MALRD1: variants seen among roughly 807,000 people sequenced by gnomAD.
MALRD1 encodes MAM and LDL-receptor class A domain-containing protein 1.
A neutral mutation model predicts 242.1 loss-of-function variants in MALRD1; 247 were observed. That is an observed-to-expected ratio of 1.02 (90% CI 0.92 to 1.13). MALRD1 has a LOEUF of 1.13. Ranked by LOEUF, MALRD1 falls within the 50% of genes most tolerant of loss-of-function variation. The pLI is 0.00. For missense variants in MALRD1, 2,989 were observed against 2,533.1 expected (o/e 1.18, Z -3.86); for synonymous variants, 995 against 866.6 (o/e 1.15, Z -2.60).
chr10:19,112,296 T>C (rs950972837), intron 5 of MALRD1, among the ~76,000 whole-genome samples: 9 of 151,830 alleles, frequency 5.9e-5, no homozygotes, highest in Non-Finnish European at 2.9e-5. Flanking sequence ...TTTAGTCTCA[T>C]GCAATCCTGG....
intron 32 of MALRD1, among the ~76,000 whole-genome samples, chr10:19,560,738 C>T (rs751355617): frequency 1.3e-5 from 2 of 152,042 alleles, no homozygotes; most frequent in Non-Finnish European, 2.9e-5. Flanking sequence ...CACATGTTCT[C>T]ACTTATAAGT....
intron 36 of MALRD1, among the ~76,000 whole-genome samples, chr10:19,627,392 A>G (rs1839700009): frequency 6.6e-6 from 1 of 152,010 alleles, no homozygotes; most frequent in Non-Finnish European, 1.5e-5. Context: ...GGTAAAAGAC[A>G]CCATAAACAA....
intron 18 of MALRD1, among the ~76,000 whole-genome samples, chr10:19,220,463 C>T (rs1415162374): frequency 6.6e-6 from 1 of 152,138 alleles, no homozygotes; most frequent in African/African-American, 2.4e-5. Context: ...CTTACATGAA[C>T]GTCCAGGTAT....
chr10:19,248,976 T>C (rs1172941945), intron 18 of MALRD1, among the ~76,000 whole-genome samples: 1 of 147,116 alleles, frequency 6.8e-6, no homozygotes, highest in Non-Finnish European at 1.5e-5. Flanking sequence ...TTTTGTAATA[T>C]AAATATATGT....
At position 19,702,415 on chromosome 10, in the gene MALRD1, G is replaced by C. The variant is rs1268490142; in HGVS notation, c.6314+9861G>C. ...AAATATTTCCTGCCATCCTGTCAGG[G>C]TGAGTCACTCAGTAATGCTTTCCTC... On this transcript the variant is annotated intron_variant, in intron 38 of 39. Coordinates refer to ENST00000454679, the MANE Select transcript of MALRD1 (RefSeq NM_001142308.3). Among the ~76,000 whole-genome samples the C allele has an allele frequency of 2.0e-5, 3 of 152,108 alleles. No individual in the cohort carries two copies. The East Asian group carries it at 5.8e-4, about 29-fold the overall frequency.
intron 21 of MALRD1, among the ~76,000 whole-genome samples, chr10:19,304,636 T>C (rs1302392052): frequency 2.0e-5 from 3 of 151,878 alleles, no homozygotes; most frequent in East Asian, 1.9e-4. Flanking sequence ...ATCTTATCAA[T>C]TGGATTTAAA....
chr10:19,076,020 C>T (rs1302360723), intron 2 of MALRD1, among the ~76,000 whole-genome samples: 1 of 152,018 alleles, frequency 6.6e-6, no homozygotes, highest in African/African-American at 2.4e-5. Context: ...TCCCCTTAAA[C>T]ACTAATTAAT....
At chr10:19,646,038 GA>G (rs1479974709) in intron 36 of MALRD1, among the ~76,000 whole-genome samples, 2 of 152,066 alleles carry the variant, frequency 1.3e-5, no homozygotes, top group Non-Finnish European at 2.9e-5. Flanking sequence ...TGTAGAAATA[GA>G]AAAAGCAAAT....
At chr10:19,298,173 A>G (rs1841791937) in intron 21 of MALRD1, among the ~76,000 whole-genome samples, 1 of 151,996 alleles carries the variant, frequency 6.6e-6, no homozygotes, top group East Asian at 1.9e-4. Context: ...CAAAGGGGAA[A>G]TGGGCACATG....
chr10:19,676,173 A>T (rs1285606448), intron 36 of MALRD1, among the ~76,000 whole-genome samples: 1 of 152,212 alleles, frequency 6.6e-6, no homozygotes, highest in Non-Finnish European at 1.5e-5. Context: ...AAGCCAGATA[A>T]CAAGATGCCT....
At chr10:19,671,103 A>G (rs1841900726) in intron 36 of MALRD1, among the ~76,000 whole-genome samples, 2 of 152,032 alleles carry the variant, frequency 1.3e-5, no homozygotes, top group African/African-American at 4.8e-5. Context: ...GTTAGCCAGG[A>G]TAAGACAATG....
At chr10:19,319,144 T>C (rs559981481) in intron 21 of MALRD1, among the ~76,000 whole-genome samples, 15 of 152,224 alleles carry the variant, frequency 9.9e-5, no homozygotes, top group African/African-American at 3.6e-4. Context: ...CAGAAATCCT[T>C]ATTTTGAATG....
At chr10:19,188,756 G>A (rs1434599124) in intron 14 of MALRD1, among the ~76,000 whole-genome samples, 1 of 152,164 alleles carries the variant, frequency 6.6e-6, no homozygotes, top group Non-Finnish European at 1.5e-5. Context: ...ACTGCCAACT[G>A]TTGGCCAGTG....
intron 24 of MALRD1, among the ~76,000 whole-genome samples, chr10:19,339,643 C>G (rs578078068): frequency 6.6e-6 from 1 of 152,294 alleles, no homozygotes; most frequent in African/African-American, 2.4e-5. Flanking sequence ...TCATCTGTAT[C>G]ATGATAATGC....
chr10:19,189,359 T>A (rs1835878296), intron 14 of MALRD1, among the ~76,000 whole-genome samples: 1 of 152,116 alleles, frequency 6.6e-6, no homozygotes, highest in Non-Finnish European at 1.5e-5. Context: ...GTCCCATTAG[T>A]GTCAGTGGTG....
At chr10:19,128,096 TC>T (rs1837338690) in intron 7 of MALRD1, 124 bp from the exon 8 acceptor site, 1 of 572,372 alleles carries the variant, frequency 1.7e-6, no homozygotes, top group Non-Finnish European at 2.6e-6. Flanking sequence ...AAACGCTCTA[TC>T]CTTTTAAGTA....
intron 29 of MALRD1, among the ~76,000 whole-genome samples, chr10:19,456,656 T>G (rs1015605990): frequency 1.3e-4 from 20 of 151,390 alleles, no homozygotes; most frequent in Non-Finnish European, 2.1e-4. Context: ...TCGCTCGCAG[T>G]CTTCTTTTAA....
At chr10:19,097,281 A>G (rs978113650) in intron 4 of MALRD1, among the ~76,000 whole-genome samples, 7 of 152,198 alleles carry the variant, frequency 4.6e-5, no homozygotes, top group African/African-American at 1.2e-4. Flanking sequence ...TTACTGAGTC[A>G]CTGAGCCATA....
chr10:19,718,126 GAGGAA>G (rs1834495854), intron 38 of MALRD1, among the ~76,000 whole-genome samples: 1 of 148,524 alleles, frequency 6.7e-6, no homozygotes, highest in Non-Finnish European at 1.5e-5. Context: ...AGAAGAAGAA[GAGGAA>G]GAAGAGGAAG....
Sources: gnomAD v4.1 joint callset for allele counts (sites outside exome capture counted in the v4.1 genomes callset) on GRCh38, gnomAD v4.1.1 for gene constraint, MANE v1.5 for transcripts, NCBI Gene and HGNC (gene_info 2026-07-23, HGNC 2026-07-21) for gene names.